The following NFATC1 variants were observed in gnomAD, a reference collection of about 807,000 sequenced individuals.
NFATC1 encodes the protein nuclear factor of activated T cells 1, also known as nuclear factor of activated T-cells, cytoplasmic 1.
In NFATC1, 22 loss-of-function variants were observed where a neutral mutation model predicts 76.0. The observed-to-expected ratio is 0.29, with a 90% CI of 0.21 to 0.41. The LOEUF is 0.41. Ranked by LOEUF, NFATC1 falls within the 10% of genes least tolerant of loss-of-function variation. NFATC1 has a pLI of 1.00. For synonymous variants in NFATC1, 704 were observed against 613.1 expected (o/e 1.15, Z -2.19); for missense variants, 1,357 against 1,337.7 (o/e 1.01, Z -0.23).
At chr18:79,433,093 A>G (rs759885006) in intron 2 of NFATC1, among the ~76,000 whole-genome samples, 16 of 152,164 alleles carry the variant, frequency 1.1e-4, no homozygotes, top group Non-Finnish European at 2.1e-4. Flanking sequence ...TCTTGCAGCA[A>G]TCATGGAATT....
At chr18:79,407,256 C>T (rs2085474869) in intron 1 of NFATC1, among the ~76,000 whole-genome samples, 1 of 152,186 alleles carries the variant, frequency 6.6e-6, no homozygotes. Flanking sequence ...GCGGGGGGCA[C>T]AGTGGATGCC....
chr18:79,409,405 G>GTCCA (rs899656793), intron 1 of NFATC1, among the ~76,000 whole-genome samples: 1 of 144,008 alleles, frequency 6.9e-6, no homozygotes, highest in Non-Finnish European at 1.5e-5. Context: ...TCCATTCCTC[G>GTCCA]TCCATCCATC....
chr18:79,443,889 C>T (rs560182720), intron 3 of NFATC1, among the ~76,000 whole-genome samples: 10 of 152,322 alleles, frequency 6.6e-5, no homozygotes, highest in East Asian at 1.9e-4. Context: ...GCTGTGGGTC[C>T]TGGTACCTGG....
intron 3 of NFATC1, among the ~76,000 whole-genome samples, chr18:79,440,426 C>T (rs1052460506): frequency 6.6e-6 from 1 of 152,226 alleles, no homozygotes. Flanking sequence ...ACATGAGAAG[C>T]GGCCATCTGC....
intron 6 of NFATC1, among the ~76,000 whole-genome samples, chr18:79,459,973 A>C (rs1568988726): frequency 6.6e-6 from 1 of 152,186 alleles, no homozygotes; most frequent in Non-Finnish European, 1.5e-5. Context: ...CTGCTTCATG[A>C]AACTCAGATG....
intron 9 of NFATC1, chr18:79,498,146 C>T (rs913487838): frequency 3.3e-5 from 5 of 151,066 alleles, no homozygotes; most frequent in Non-Finnish European, 7.4e-5. Flanking sequence ...AATTATAGTA[C>T]ATGCAAGAAA....
intron 9 of NFATC1, among the ~76,000 whole-genome samples, chr18:79,518,031 G>T (rs183970704): frequency 6.6e-6 from 1 of 152,324 alleles, no homozygotes; most frequent in Admixed American, 6.5e-5. Context: ...TTCTAGCGCT[G>T]CCTCTCCCGG....
Position 79,396,281 on chromosome 18 carries a change from G to A in NFATC1, c.57G>A (p.Ala19=), listed in dbSNP as rs1278264834. 1 of 1,465,294 alleles carries A rather than the reference G, an allele frequency of 6.8e-7. No individual in the cohort carries two copies. Among genetic ancestry groups the A allele is most frequent in the Admixed American group, 2.2e-5 (1 of 46,220 alleles). 90.8% of individuals were successfully genotyped at this position (1,465,294 alleles called of 1,614,324 possible). A position where few individuals can be genotyped will look rare whatever the true frequency, so the allele number is the denominator to read the frequency against. Residue 19 remains alanine (A), a synonymous_variant, in exon 1 of 10, where the codon GCG becomes GCA. Transcript: ENST00000427363. The part of the protein sequence containing the change: ...PSKFPLGPAA[A]VFGRGETLGP... Reference sequence around the variant, plus strand: ...AGTTTCCACTTGGCCCTGCGGCTGCGGTCTTCGGGAGAGGAGAAACTTTGG... The same window carrying A: ...AGTTTCCACTTGGCCCTGCGGCTGCAGTCTTCGGGAGAGGAGAAACTTTGG...
At chr18:79,418,540 G>C (rs1204617658) in intron 2 of NFATC1, among the ~76,000 whole-genome samples, 4 of 152,214 alleles carry the variant, frequency 2.6e-5, no homozygotes, top group Admixed American at 2.6e-4. Context: ...GGAGCCTTCT[G>C]GGGTCAGAGC....
chr18:79,480,884 G>A (rs2089249044), intron 8 of NFATC1, among the ~76,000 whole-genome samples: 1 of 152,234 alleles, frequency 6.6e-6, no homozygotes, highest in South Asian at 2.1e-4. Flanking sequence ...TGAAAATCCC[G>A]AGCAGCGGAG....
intron 9 of NFATC1, among the ~76,000 whole-genome samples, chr18:79,520,616 G>GT (rs2090505326): frequency 8.8e-6 from 1 of 114,242 alleles, no homozygotes; most frequent in Non-Finnish European, 1.9e-5. Flanking sequence ...TGTGTGTGGG[G>GT]GGGGCATCCA....
At chr18:79,422,453 G>C (rs1432626787) in intron 2 of NFATC1, 1 of 151,970 alleles carries the variant, frequency 6.6e-6, no homozygotes, top group Non-Finnish European at 1.5e-5. Flanking sequence ...TTGGGGATGA[G>C]TGGGTGACGG....
At chr18:79,474,228 C>T (rs2088934093) in intron 8 of NFATC1, among the ~76,000 whole-genome samples, 1 of 72,482 alleles carries the variant, frequency 1.4e-5, no homozygotes, top group Non-Finnish European at 2.5e-5. Flanking sequence ...TCGACGTAAA[C>T]CTGAGGGAAG....
At chr18:79,451,882 C>A in intron 6 of NFATC1, 66 bp downstream of exon 6, 1 of 1,545,610 alleles carries the variant, frequency 6.5e-7, no homozygotes, top group Non-Finnish European at 8.8e-7. Context: ...GGTTCCCAGT[C>A]GGTGGAGCAG....
chr18:79,491,081 T>G (rs970821232), intron 9 of NFATC1, among the ~76,000 whole-genome samples: 1 of 152,042 alleles, frequency 6.6e-6, no homozygotes, highest in Non-Finnish European at 1.5e-5. Context: ...AGGAGCCATC[T>G]TGATGGGGAC....
At chr18:79,419,675 G>A (rs2086003617) in intron 2 of NFATC1, among the ~76,000 whole-genome samples, 1 of 152,234 alleles carries the variant, frequency 6.6e-6, no homozygotes, top group Admixed American at 6.5e-5. Context: ...AGCTGCCTGT[G>A]GTCCAGCTGG....
At chr18:79,520,888 C>G (rs1343901725) in intron 9 of NFATC1, among the ~76,000 whole-genome samples, 3 of 77,894 alleles carry the variant, frequency 3.9e-5, no homozygotes, top group Admixed American at 1.9e-4. Context: ...GTGTGTGTGT[C>G]TGTGTGTGTG....
chr18:79,494,581 G>A (rs1361084813), intron 9 of NFATC1, among the ~76,000 whole-genome samples: 18 of 90,972 alleles, frequency 2.0e-4, no homozygotes, highest in African/African-American at 7.4e-4. Flanking sequence ...GGGGGAAGGC[G>A]AGAGCGGGCA....
rs553192955 is a variant in NFATC1 at position 79,473,532 on chromosome 18, C to T, written c.2092+5950C>T. Among the ~76,000 whole-genome samples, 23 of 149,262 alleles carry T rather than the reference C, an allele frequency of 1.5e-4. No individual in the cohort carries two copies. The South Asian group carries it at 3.3e-3, about 22-fold the overall frequency. ...TAAACCTGAGGGAAGCGTGTTCTCGCGCTCACTGTCGACGTAAACCTGAGG... is the reference window on the plus strand; with the variant it reads ...TAAACCTGAGGGAAGCGTGTTCTCGTGCTCACTGTCGACGTAAACCTGAGG... On this transcript the variant is annotated intron_variant, in intron 8 of 9. Coordinates refer to ENST00000427363, the MANE Select transcript of NFATC1 (RefSeq NM_001278669.2).
Sources: allele counts gnomAD v4.1 joint callset (sites outside exome capture counted in the v4.1 genomes callset), GRCh38; gene constraint gnomAD v4.1.1; transcripts MANE v1.5; gene names NCBI Gene and HGNC (gene_info 2026-07-23, HGNC 2026-07-21).